The following VSNL1 variants were observed in gnomAD, a reference collection of about 807,000 sequenced individuals.
VSNL1 encodes the protein visinin like 1.
VSNL1 carries 6 observed loss-of-function variants against 20.4 expected under a neutral mutation model. The observed-to-expected ratio is 0.29, with a 90% CI of 0.16 to 0.58. The LOEUF (loss-of-function observed/expected upper bound fraction) is 0.58. VSNL1 is among the 20% of genes least tolerant of loss of function. VSNL1 has a pLI of 0.90. For missense variants in VSNL1, 100 were observed against 234.5 expected, an observed-to-expected ratio of 0.43 and a Z score of 3.75; for synonymous variants, 93 against 86.4, an observed-to-expected ratio of 1.08 and a Z score of -0.42.
At chr2:17,635,193 G>A (rs1030267410) in intron 2 of VSNL1, among the ~76,000 whole-genome samples, 1 of 152,186 alleles carries the variant, frequency 6.6e-6, no homozygotes, top group South Asian at 2.1e-4. Flanking sequence ...AAGGACAGGG[G>A]TGTGTGTCTC....
chr2:17,578,915 T>A (rs893698178), intron 1 of VSNL1, among the ~76,000 whole-genome samples: 16 of 152,138 alleles, frequency 1.1e-4, no homozygotes, highest in Admixed American at 5.9e-4. Context: ...GTTCTTTCCA[T>A]CCAGCTTCCA....
intron 1 of VSNL1, among the ~76,000 whole-genome samples, chr2:17,551,351 A>C (rs1261505662): frequency 9.2e-5 from 14 of 152,178 alleles, no homozygotes; most frequent in Non-Finnish European, 1.9e-4. Context: ...GTATAGTGGA[A>C]ATTTATATTT....
intron 1 of VSNL1, chr2:17,567,406 T>A (rs1663976169): frequency 7.6e-6 from 1 of 132,364 alleles, no homozygotes; most frequent in Admixed American, 9.4e-5. Flanking sequence ...TCGCCCAGGC[T>A]GGAGTGCGGT....
At chr2:17,644,510 C>T (rs1281702407) in intron 2 of VSNL1, among the ~76,000 whole-genome samples, 2 of 152,168 alleles carry the variant, frequency 1.3e-5, no homozygotes, top group Admixed American at 6.5e-5. Context: ...AAGAGACAGG[C>T]CGAGGGTCTG....
chr2:17,552,235 A>ACT (rs1218525766), intron 1 of VSNL1, among the ~76,000 whole-genome samples: 3 of 151,642 alleles, frequency 2.0e-5, no homozygotes, highest in Non-Finnish European at 2.9e-5. Context: ...TAGCACGTAC[A>ACT]GTGCTCTGTG....
chr2:17,583,860 A>G (rs1664406535), intron 1 of VSNL1, among the ~76,000 whole-genome samples: 1 of 151,896 alleles, frequency 6.6e-6, no homozygotes, highest in Admixed American at 6.6e-5. Flanking sequence ...GGTTAGGATG[A>G]CTCCTGCTGT....
At chr2:17,640,651 T>C (rs542956342) in intron 2 of VSNL1, among the ~76,000 whole-genome samples, 30 of 152,262 alleles carry the variant, frequency 2.0e-4, no homozygotes, top group South Asian at 4.1e-4. Context: ...GCAATGATCC[T>C]GAACTTGTTC....
At position 17,626,065 on chromosome 2, in the gene VSNL1, C is replaced by T. The variant is rs569090272; in HGVS notation, c.163-23345C>T. On this transcript the variant is annotated intron_variant, in intron 2 of 3. Coordinates refer to ENST00000295156, the MANE Select transcript of VSNL1 (RefSeq NM_003385.5). ...AACTCCTGATCTCAAGTGATCCGCC[C>T]GCCTCAGCTTCGCAAAAGACTGGGA... Among the ~76,000 whole-genome samples the T allele has an allele frequency of 2.6e-4, 40 of 152,114 alleles. No individual in the cohort carries two copies. In the South Asian group the frequency reaches 6.7e-3, roughly 25 times the overall value.
intron 1 of VSNL1, among the ~76,000 whole-genome samples, chr2:17,559,956 T>A (rs1663775303): frequency 6.6e-6 from 1 of 151,746 alleles, no homozygotes; most frequent in Admixed American, 6.6e-5. Context: ...ACAACAAAAA[T>A]TAGTAAAAAC....
chr2:17,557,515 A>G (rs1216606512), intron 1 of VSNL1, among the ~76,000 whole-genome samples: 2 of 152,196 alleles, frequency 1.3e-5, no homozygotes, highest in Admixed American at 6.5e-5. Flanking sequence ...GCTGTAAGAA[A>G]GTGTAACAAG....
At chr2:17,550,447 C>T (rs1251752577) in intron 1 of VSNL1, among the ~76,000 whole-genome samples, 2 of 152,250 alleles carry the variant, frequency 1.3e-5, no homozygotes, top group Non-Finnish European at 2.9e-5. Flanking sequence ...GAGCCCACAG[C>T]CATTTCTCAG....
intron 1 of VSNL1, among the ~76,000 whole-genome samples, chr2:17,581,526 G>A (rs6752372): frequency 2.0e-5 from 3 of 152,070 alleles, no homozygotes; most frequent in Non-Finnish European, 4.4e-5. Context: ...TTTTAAAAAT[G>A]ATTTTAAACA....
rs151127032 is a variant in VSNL1 at position 17,634,866 on chromosome 2, G to A, written c.163-14544G>A. 6.1e-4 allele frequency among the ~76,000 whole-genome samples: 93 copies of A among 152,184 alleles called. 1 individual carries two copies. Among genetic ancestry groups the A allele is most frequent in the African/African-American group, 1.9e-3 (77 of 41,520 alleles). On this transcript the variant is annotated intron_variant, in intron 2 of 3. Transcript: ENST00000295156. The surrounding 1 kb of genome is among the most constrained non-coding windows in gnomAD (Gnocchi z 4.3). ...AGAGCCTCCTTGTCCCATGGGTCCC[G>A]CTGCAGGGAGTTACTGCTCCTGCTT...
intron 2 of VSNL1, among the ~76,000 whole-genome samples, chr2:17,609,436 T>C (rs1665030235): frequency 6.6e-6 from 1 of 152,218 alleles, no homozygotes; most frequent in Non-Finnish European, 1.5e-5. Context: ...TCAGTTACTA[T>C]GGAAGAAAAG....
intron 2 of VSNL1, among the ~76,000 whole-genome samples, chr2:17,605,945 G>A (rs562234567): frequency 6.6e-6 from 1 of 152,380 alleles, no homozygotes; most frequent in East Asian, 1.9e-4. Context: ...TGAATGCTCA[G>A]TGTGCGTCAG....
intron 1 of VSNL1, among the ~76,000 whole-genome samples, chr2:17,584,389 G>A (rs1469518286): frequency 6.6e-6 from 1 of 152,124 alleles, no homozygotes; most frequent in African/African-American, 2.4e-5. Context: ...AAAGGAGGCA[G>A]ATGGCAGTTG....
At chr2:17,573,396 T>C (rs1267641571) in intron 1 of VSNL1, among the ~76,000 whole-genome samples, 2 of 151,790 alleles carry the variant, frequency 1.3e-5, no homozygotes, top group South Asian at 2.1e-4. Flanking sequence ...ATGGAGGCAA[T>C]GTCAAGACTA....
At chr2:17,644,689 TGAAA>T (rs909333025) in intron 2 of VSNL1, among the ~76,000 whole-genome samples, 23 of 152,288 alleles carry the variant, frequency 1.5e-4, no homozygotes, top group African/African-American at 5.5e-4. Flanking sequence ...CTACCCTTGC[TGAAA>T]GAATCAGCTG....
chr2:17,591,977 C>A (rs762074498), intron 1 of VSNL1, 93 bp from the exon 2 acceptor site: 16 of 1,439,308 alleles, frequency 1.1e-5, no homozygotes, highest in Non-Finnish European at 1.5e-5. Flanking sequence ...GGAGTTCCGA[C>A]CATGGGACTG....
Sources: gnomAD v4.1 joint callset for allele counts (sites outside exome capture counted in the v4.1 genomes callset) on GRCh38, gnomAD v4.1.1 for gene constraint, Gnocchi (gnomAD v3.1) non-coding constraint, MANE v1.5 for transcripts, NCBI Gene and HGNC (gene_info 2026-07-23, HGNC 2026-07-21) for gene names.